The following CCSER1 variants were observed in gnomAD, a reference collection of about 807,000 sequenced individuals.
CCSER1 encodes the protein coiled-coil serine rich protein 1.
A neutral mutation model predicts 82.0 loss-of-function variants in CCSER1; 41 were observed. That is an observed-to-expected ratio of 0.50 (90% CI 0.39 to 0.65). The LOEUF is 0.65. CCSER1 is among the 30% of genes least tolerant of loss of function. The probability of loss-of-function intolerance (pLI) is 0.00; values close to 1 mark genes in which losing one functional copy is unlikely to be tolerated. For synonymous variants in CCSER1, 414 were observed against 383.9 expected, an observed-to-expected ratio of 1.08 and a Z score of -0.92; for missense variants, 1,119 against 1,064.2, an observed-to-expected ratio of 1.05 and a Z score of -0.72.
chr4:90,170,938 A>C, intron 1 of CCSER1, among the ~76,000 whole-genome samples: 1 of 151,808 alleles, frequency 6.6e-6, no homozygotes, highest in African/African-American at 2.4e-5. Context: ...TGATAGCACA[A>C]CAGTGTGATT....
chr4:90,623,892 T>C (rs1464460401), intron 5 of CCSER1, among the ~76,000 whole-genome samples: 3 of 152,220 alleles, frequency 2.0e-5, no homozygotes, highest in African/African-American at 7.2e-5. Flanking sequence ...TTCATTAATA[T>C]AGATTTATGT....
intron 10 of CCSER1, among the ~76,000 whole-genome samples, chr4:91,092,868 G>A (rs985622534): frequency 5.9e-5 from 9 of 152,114 alleles, no homozygotes; most frequent in Non-Finnish European, 1.0e-4. Flanking sequence ...GTCTGCTCAG[G>A]GGTTTCCTTG....
chr4:91,077,681 A>G (rs1242738749), intron 9 of CCSER1, among the ~76,000 whole-genome samples: 1 of 152,218 alleles, frequency 6.6e-6, no homozygotes, highest in Non-Finnish European at 1.5e-5. Flanking sequence ...AGGTCAGGGA[A>G]TTACCTTTCC....
chr4:90,716,617 G>A (rs1580119061), intron 6 of CCSER1, among the ~76,000 whole-genome samples: 1 of 151,922 alleles, frequency 6.6e-6, no homozygotes, highest in African/African-American at 2.4e-5. Flanking sequence ...AGATATGGTT[G>A]GATACACAAA....
intron 6 of CCSER1, among the ~76,000 whole-genome samples, chr4:90,673,493 A>G (rs747747170): frequency 6.6e-6 from 1 of 151,986 alleles, no homozygotes; most frequent in Non-Finnish European, 1.5e-5. Flanking sequence ...GTAAAACATA[A>G]TGTGGATCAA....
chr4:90,558,072 G>T (rs1778338394), intron 5 of CCSER1, among the ~76,000 whole-genome samples: 1 of 152,100 alleles, frequency 6.6e-6, no homozygotes, highest in Non-Finnish European at 1.5e-5. Context: ...AACTAAGAAG[G>T]TTTGTAACTT....
chr4:91,211,314 C>G (rs141341523), intron 10 of CCSER1, among the ~76,000 whole-genome samples: 1 of 152,036 alleles, frequency 6.6e-6, no homozygotes, highest in Admixed American at 6.6e-5. Flanking sequence ...ACCCACAATA[C>G]TTGCTGGATG....
intron 10 of CCSER1, among the ~76,000 whole-genome samples, chr4:91,502,218 T>C (rs1560720984): frequency 6.6e-6 from 1 of 152,124 alleles, no homozygotes; most frequent in African/African-American, 2.4e-5. Context: ...AAAAGATTTC[T>C]TATTAAAGAG....
At chr4:91,466,124 A>T (rs920566711) in intron 10 of CCSER1, among the ~76,000 whole-genome samples, 1 of 152,198 alleles carries the variant, frequency 6.6e-6, no homozygotes, top group African/African-American at 2.4e-5. Flanking sequence ...GGCAAACTGA[A>T]TCAGGGAGCA....
intron 10 of CCSER1, among the ~76,000 whole-genome samples, chr4:91,394,884 G>C (rs759060471): frequency 3.8e-4 from 57 of 151,266 alleles, no homozygotes; most frequent in Non-Finnish European, 6.3e-4. Context: ...TCTGATGAGT[G>C]ACCTACATTT....
intron 5 of CCSER1, among the ~76,000 whole-genome samples, chr4:90,602,452 T>G (rs1337015276): frequency 6.6e-6 from 1 of 152,172 alleles, no homozygotes; most frequent in African/African-American, 2.4e-5. Flanking sequence ...TTGATCAGAT[T>G]TGACAAATGA....
intron 10 of CCSER1, among the ~76,000 whole-genome samples, chr4:91,186,029 C>T (rs1734499284): frequency 2.0e-5 from 3 of 152,154 alleles, no homozygotes; most frequent in South Asian, 4.1e-4. Flanking sequence ...CATGGAACTG[C>T]CAAGCCTCTA....
intron 9 of CCSER1, among the ~76,000 whole-genome samples, chr4:90,961,261 A>G (rs962537675): frequency 1.3e-4 from 20 of 152,064 alleles, no homozygotes; most frequent in African/African-American, 4.8e-4. Flanking sequence ...GCATTCATCA[A>G]ATGTTTCTTC....
At chr4:90,231,098 G>A (rs1744430860) in intron 1 of CCSER1, among the ~76,000 whole-genome samples, 1 of 152,024 alleles carries the variant, frequency 6.6e-6, no homozygotes, top group Admixed American at 6.6e-5. Flanking sequence ...CAGAAAAAGA[G>A]GGAATCCTCC....
chr4:90,247,615 T>A (rs1721667566), intron 1 of CCSER1, among the ~76,000 whole-genome samples: 1 of 152,146 alleles, frequency 6.6e-6, no homozygotes, highest in Non-Finnish European at 1.5e-5. Context: ...ACTGCTACTT[T>A]GAATTTGGAA....
intron 1 of CCSER1, among the ~76,000 whole-genome samples, chr4:90,142,491 G>A (rs553091598): frequency 2.0e-5 from 3 of 152,316 alleles, no homozygotes; most frequent in Non-Finnish European, 4.4e-5. Flanking sequence ...GTAAAATGTG[G>A]AAGTTCTTTC....
intron 10 of CCSER1, among the ~76,000 whole-genome samples, chr4:91,133,289 A>G (rs1728165338): frequency 6.7e-6 from 1 of 149,630 alleles, no homozygotes; most frequent in Non-Finnish European, 1.5e-5. Context: ...ATTCCTTTGA[A>G]GTAGGGTCTG....
At chr4:90,169,115 A>G (rs1488098972) in intron 1 of CCSER1, among the ~76,000 whole-genome samples, 1 of 151,918 alleles carries the variant, frequency 6.6e-6, no homozygotes, top group African/African-American at 2.4e-5. Context: ...TGAGCATGGA[A>G]TGTTCTTCCA....
rs905474751 is a variant in CCSER1 at position 91,531,069 on chromosome 4, C to T, written c.2218-67503C>T. ...AAGATGTACTAGGTACTTTATGAGG[C>T]CCCCAAAATATTAAAAAGATGACTA... On this transcript the variant is annotated intron_variant, in intron 10 of 10. Coordinates refer to ENST00000509176, the MANE Select transcript of CCSER1 (RefSeq NM_001145065.2). Among the ~76,000 whole-genome samples the T allele has an allele frequency of 4.6e-5, 7 of 152,010 alleles. No individual in the cohort carries two copies. The South Asian group carries it at 1.5e-3, about 32-fold the overall frequency.
Sources: gnomAD v4.1 joint callset for allele counts (sites outside exome capture counted in the v4.1 genomes callset) on GRCh38, gnomAD v4.1.1 for gene constraint, MANE v1.5 for transcripts, NCBI Gene and HGNC (gene_info 2026-07-23, HGNC 2026-07-21) for gene names.